The following PDS5B variants were observed in gnomAD, a reference collection of about 807,000 sequenced individuals.
PDS5B encodes the protein sister chromatid cohesion protein PDS5 homolog B.
A neutral mutation model predicts 184.1 loss-of-function variants in PDS5B; 51 were observed. The ratio of observed to expected loss-of-function variants is 0.28; its 90% CI spans 0.22 to 0.35. The LOEUF is 0.35. PDS5B is among the 10% of genes least tolerant of loss of function. The probability of loss-of-function intolerance (pLI) is 1.00; values close to 1 mark genes in which losing one functional copy is unlikely to be tolerated. For missense variants in PDS5B, 1,180 were observed against 1,723.3 expected (o/e 0.68, Z 5.58); for synonymous variants, 566 against 569.2 (o/e 0.99, Z 0.08).
intron 15 of PDS5B, 114 bp from the exon 16 acceptor site, chr13:32,699,616 A>T: frequency 1.9e-6 from 1 of 523,106 alleles, no homozygotes; most frequent in South Asian, 5.3e-5. Flanking sequence ...GTTAAACTAA[A>T]CTGAATTTGT....
chr13:32,597,602 G>GC (rs2057898079), intron 1 of PDS5B, among the ~76,000 whole-genome samples: 1 of 151,870 alleles, frequency 6.6e-6, no homozygotes, highest in African/African-American at 2.4e-5. Flanking sequence ...GAGGCCGAGG[G>GC]GGGGGCGGCA....
chr13:32,757,491 T>C (rs999538998), intron 26 of PDS5B, among the ~76,000 whole-genome samples: 4 of 131,184 alleles, frequency 3.0e-5, no homozygotes, highest in Admixed American at 1.5e-4. Context: ...CTATAATACA[T>C]AGGCAAAACA....
intron 1 of PDS5B, among the ~76,000 whole-genome samples, chr13:32,646,369 G>GTTTTTTTTTT (rs58539534): frequency 1.9e-5 from 2 of 106,084 alleles, no homozygotes; most frequent in African/African-American, 7.8e-5. Flanking sequence ...TCATGGCTGT[G>GTTTTTTTTTT]TTTTTTTTTT....
At chr13:32,710,902 G>T (rs1156230513) in intron 19 of PDS5B, among the ~76,000 whole-genome samples, 4 of 152,034 alleles carry the variant, frequency 2.6e-5, no homozygotes, top group Non-Finnish European at 5.9e-5. Flanking sequence ...TAGAGTTTCA[G>T]GTATAATTTC....
At chr13:32,745,574 A>C (rs778366861) in intron 23 of PDS5B, among the ~76,000 whole-genome samples, 24 of 152,332 alleles carry the variant, frequency 1.6e-4, no homozygotes, top group East Asian at 9.6e-4. Flanking sequence ...ACAGAAATTT[A>C]TATCTCACAG....
intron 19 of PDS5B, among the ~76,000 whole-genome samples, chr13:32,725,279 G>A (rs997625572): frequency 1.3e-5 from 2 of 152,052 alleles, no homozygotes; most frequent in African/African-American, 4.8e-5. Context: ...AAATCATAAC[G>A]GGTTTACGCA....
intron 1 of PDS5B, among the ~76,000 whole-genome samples, chr13:32,586,844 C>T (rs2057685647): frequency 1.4e-5 from 2 of 144,428 alleles, no homozygotes; most frequent in Non-Finnish European, 3.1e-5. Context: ...GCCCCGCGGC[C>T]GGCGCGCGCC....
intron 19 of PDS5B, among the ~76,000 whole-genome samples, chr13:32,711,978 C>T (rs549541241): frequency 2.0e-5 from 3 of 152,302 alleles, no homozygotes; most frequent in South Asian, 4.1e-4. Flanking sequence ...CCAGGTCATA[C>T]AGCTAGCAAG....
chr13:32,760,806 A>G (rs1037340709), intron 30 of PDS5B, 86 bp downstream of exon 30: 3 of 1,234,200 alleles, frequency 2.4e-6, no homozygotes, highest in Non-Finnish European at 3.4e-6. Flanking sequence ...AAAATGTTTC[A>G]TGTCAGTAAA....
intron 28 of PDS5B, among the ~76,000 whole-genome samples, 178 bp from the exon 29 acceptor site, chr13:32,759,450 A>T (rs1381410127): frequency 6.6e-6 from 1 of 152,172 alleles, no homozygotes; most frequent in East Asian, 1.9e-4. Context: ...TTAATATTAG[A>T]GTTGGCATGA....
intron 10 of PDS5B, among the ~76,000 whole-genome samples, chr13:32,681,722 C>T (rs1410110039): frequency 1.3e-5 from 2 of 151,772 alleles, no homozygotes; most frequent in Non-Finnish European, 2.9e-5. Context: ...TTCCATTTTA[C>T]GTTTCTCCAG....
intron 1 of PDS5B, among the ~76,000 whole-genome samples, chr13:32,609,940 T>C (rs770015757): frequency 1.3e-5 from 2 of 151,656 alleles, no homozygotes; most frequent in Admixed American, 1.3e-4. Context: ...CTTTTTATGC[T>C]AATGGCAATA....
chr13:32,592,932 A>G (rs1214220943), intron 1 of PDS5B, among the ~76,000 whole-genome samples: 2 of 152,226 alleles, frequency 1.3e-5, no homozygotes, highest in African/African-American at 4.8e-5. Flanking sequence ...TGGGACTAAC[A>G]GCAGAAACCT....
chr13:32,640,082 C>T (rs549289310), intron 1 of PDS5B, among the ~76,000 whole-genome samples: 1 of 152,174 alleles, frequency 6.6e-6, no homozygotes, highest in African/African-American at 2.4e-5. Flanking sequence ...ACTACAGTCT[C>T]TTGTTTAGTT....
intron 16 of PDS5B, among the ~76,000 whole-genome samples, chr13:32,700,399 C>G (rs1391190769): frequency 3.9e-5 from 6 of 152,014 alleles, no homozygotes; most frequent in African/African-American, 1.4e-4. Context: ...TTTTCTCACA[C>G]ACAACAATAT....
chr13:32,608,078 C>G (rs1297627735), intron 1 of PDS5B, among the ~76,000 whole-genome samples: 1 of 152,182 alleles, frequency 6.6e-6, no homozygotes, highest in Non-Finnish European at 1.5e-5. Flanking sequence ...GTGAGATGAA[C>G]CCGGTACCTC....
chr13:32,734,108 A>G (rs763488913), intron 20 of PDS5B, among the ~76,000 whole-genome samples: 19 of 151,432 alleles, frequency 1.3e-4, no homozygotes, highest in Non-Finnish European at 7.4e-5. Context: ...GCTCACTGCA[A>G]CCTCCACCTT....
At chr13:32,622,532 C>A (rs75825352) in intron 1 of PDS5B, among the ~76,000 whole-genome samples, 7,345 of 152,140 alleles carry the variant, frequency 0.048, 490 homozygotes, top group African/African-American at 0.16. Flanking sequence ...CTATAAATGA[C>A]CAACAAAACG....
At chr13:32,747,727 A>G (rs982057167) in intron 24 of PDS5B, among the ~76,000 whole-genome samples, 6 of 152,316 alleles carry the variant, frequency 3.9e-5, no homozygotes, top group African/African-American at 1.4e-4. Context: ...AAACCAACAT[A>G]TGTAATTATT....
Sources: allele counts gnomAD v4.1 joint callset (sites outside exome capture counted in the v4.1 genomes callset), GRCh38; gene constraint gnomAD v4.1.1; transcripts MANE v1.5; gene names NCBI Gene and HGNC (gene_info 2026-07-23, HGNC 2026-07-21).